Variants in ABLIM1 observed in about 807,000 individuals in gnomAD.
The protein encoded by ABLIM1 is actin-binding LIM protein 1.
Under a neutral mutation model 107.0 loss-of-function variants are expected in ABLIM1, and 40 were observed. That is an observed-to-expected ratio of 0.37 (90% CI 0.29 to 0.49). The LOEUF is 0.49. ABLIM1 is among the 20% of genes least tolerant of loss of function. The pLI, the probability that ABLIM1 is intolerant of heterozygous loss-of-function variation, is 0.97. For missense variants in ABLIM1, 857 were observed against 1,008.5 expected (o/e 0.85, Z 2.04); for synonymous variants, 357 against 357.3 (o/e 1.00, Z 0.01).
intron 6 of ABLIM1, among the ~76,000 whole-genome samples, chr10:114,504,147 C>G (rs763821209): frequency 9.9e-5 from 15 of 152,170 alleles, no homozygotes; most frequent in Non-Finnish European, 1.9e-4. Context: ...AAACGATCAA[C>G]TTTTTCCTCT....
chr10:114,733,970 C>T (rs1463412306), intron 1 of ABLIM1, among the ~76,000 whole-genome samples: 3 of 152,092 alleles, frequency 2.0e-5, no homozygotes, highest in Non-Finnish European at 4.4e-5. Context: ...AAGCAATTCT[C>T]CTGCCTCAGC....
rs191249139 is a variant in ABLIM1, at chr10:114,470,767, A to G, written c.1275+2210T>C. Among the ~76,000 whole-genome samples, 21 of 152,296 alleles carry G rather than the reference A, an allele frequency of 1.4e-4. No individual in the cohort carries two copies. The East Asian group carries it at 3.3e-3, about 24-fold the overall frequency. ...TCTAGCATAGGTATTCTTGTTCTCTATCTTGAGTTTGCAGATAAGGAGATT... is the reference window on the plus strand; with the variant it reads ...TCTAGCATAGGTATTCTTGTTCTCTGTCTTGAGTTTGCAGATAAGGAGATT... On this transcript the variant is annotated intron_variant, in intron 10 of 22. Transcript: ENST00000533213.
the ABLIM1 span, among the ~76,000 whole-genome samples, chr10:114,789,518 T>C: frequency 6.6e-6 from 1 of 152,192 alleles, no homozygotes; most frequent in Non-Finnish European, 1.5e-5. Context: ...ATAGGTAAAC[T>C]CGTGAACTAA....
At chr10:114,796,586 C>T in the ABLIM1 span, among the ~76,000 whole-genome samples, 4 of 152,188 alleles carry the variant, frequency 2.6e-5, no homozygotes, top group African/African-American at 9.7e-5. Context: ...CAGGAGGGTA[C>T]TACACAAGGG....
chr10:114,737,400 G>A (rs774523374), intron 1 of ABLIM1, among the ~76,000 whole-genome samples: 3 of 152,252 alleles, frequency 2.0e-5, no homozygotes, highest in South Asian at 4.1e-4. Context: ...GGCCTTTTCC[G>A]ACCTTGACCT....
intron 4 of ABLIM1, among the ~76,000 whole-genome samples, chr10:114,560,925 T>C: frequency 6.6e-6 from 1 of 152,140 alleles, no homozygotes; most frequent in East Asian, 1.9e-4. Context: ...AATTTTCTTT[T>C]GGGGTGATGA....
chr10:114,557,466 T>G (rs529131141), intron 4 of ABLIM1, among the ~76,000 whole-genome samples: 1 of 152,302 alleles, frequency 6.6e-6, no homozygotes, highest in East Asian at 1.9e-4. Flanking sequence ...CTCCACAACC[T>G]GGTATTTGGC....
intron 1 of ABLIM1, among the ~76,000 whole-genome samples, chr10:114,753,694 T>C (rs1467493036): frequency 1.3e-5 from 2 of 152,210 alleles, no homozygotes; most frequent in Non-Finnish European, 2.9e-5. Context: ...TTTCTGTACA[T>C]GGAATCTCCA....
At chr10:114,443,887 A>T in intron 17 of ABLIM1, 142 bp downstream of exon 17, 1 of 653,782 alleles carries the variant, frequency 1.5e-6, no homozygotes, top group Non-Finnish European at 2.7e-6. Flanking sequence ...TTATGAGCTC[A>T]TTTGACATGG....
chr10:114,437,934 AAGAAAACACCTCTTCT>A lies in ABLIM1; in HGVS notation c.2143-26_2143-11del. On this transcript the variant is annotated splice_polypyrimidine_tract_variant and intron_variant, in intron 21 of 22. Transcript: ENST00000533213. ...TTTCATATGGAAATATCTGAGAAGA[AAGAAAACACCTCTTCT>A]AGAACACCACAGTCCATTTTATTAA... 6.2e-7 allele frequency: 1 copy of A among 1,610,392 alleles called. No individual in the cohort carries two copies. The highest frequency in any genetic ancestry group is 1.1e-5 in the South Asian group (1 of 90,980).
chr10:114,724,458 A>C (rs2081915721), intron 1 of ABLIM1, among the ~76,000 whole-genome samples: 1 of 152,188 alleles, frequency 6.6e-6, no homozygotes, highest in Non-Finnish European at 1.5e-5. Context: ...TTTCTGCCTC[A>C]GGCCATGAAA....
intron 1 of ABLIM1, among the ~76,000 whole-genome samples, chr10:114,620,310 T>C (rs766445721): frequency 6.6e-6 from 1 of 152,228 alleles, no homozygotes; most frequent in Non-Finnish European, 1.5e-5. Context: ...AGTGTGTTTC[T>C]TCCTGGGGTA....
At chr10:114,470,060 C>T (rs865986060) in intron 10 of ABLIM1, among the ~76,000 whole-genome samples, 6 of 152,302 alleles carry the variant, frequency 3.9e-5, no homozygotes, top group Middle Eastern at 6.8e-3. Flanking sequence ...CCTGCACTGA[C>T]AGCAAGGCCC....
exon 1 of ABLIM1, chr10:114,684,737 T>A (rs1203337927): frequency 2.9e-6 from 3 of 1,018,532 alleles, no homozygotes; most frequent in Admixed American, 5.5e-5. Context: ...TCCTGCATTC[T>A]GCACAATCCA....
rs7100932 is a variant in ABLIM1, at chr10:114,446,333, A to T, written c.1736-930T>A. Reference sequence around the variant, plus strand: ...ATGGTCACAAAAGAGTTTTATACTAATAGGTAAATCAAAAGCATTAATACA... The same window carrying T: ...ATGGTCACAAAAGAGTTTTATACTATTAGGTAAATCAAAAGCATTAATACA... On this transcript the variant is annotated intron_variant, in intron 15 of 22. Coordinates refer to ENST00000533213, the MANE Select transcript of ABLIM1 (RefSeq NM_002313.7). Among the ~76,000 whole-genome samples, 1,308 of 152,318 alleles carry T rather than the reference A, an allele frequency of 8.6e-3. 20 individuals are homozygous for T. The highest frequency in any genetic ancestry group is 0.03 in the African/African-American group (1,259 of 41,558).
At chr10:114,726,198 A>C (rs144981143) in intron 1 of ABLIM1, among the ~76,000 whole-genome samples, 1 of 151,640 alleles carries the variant, frequency 6.6e-6, no homozygotes, top group African/African-American at 2.4e-5. Context: ...GTTGTTACAA[A>C]ATGAACCTGA....
intron 1 of ABLIM1, among the ~76,000 whole-genome samples, chr10:114,671,865 T>C (rs1013617426): frequency 6.6e-6 from 1 of 152,142 alleles, no homozygotes. Flanking sequence ...GAGTTCCTTT[T>C]TCATATTTTT....
intron 1 of ABLIM1, among the ~76,000 whole-genome samples, chr10:114,681,431 G>C (rs1591815965): frequency 6.6e-6 from 1 of 152,156 alleles, no homozygotes. Flanking sequence ...CTGACCTCAA[G>C]TGATCTGCCC....
chr10:114,630,305 T>G (rs1027881198), intron 1 of ABLIM1, among the ~76,000 whole-genome samples: 1 of 152,150 alleles, frequency 6.6e-6, no homozygotes, highest in Non-Finnish European at 1.5e-5. Flanking sequence ...TGCCATGTCA[T>G]AGTTGGGTGG....
Sources: gnomAD v4.1 joint callset for allele counts (sites outside exome capture counted in the v4.1 genomes callset) on GRCh38, gnomAD v4.1.1 for gene constraint, MANE v1.5 for transcripts, NCBI Gene and HGNC (gene_info 2026-07-23, HGNC 2026-07-21) for gene names.